The following SCN9A variants were observed in gnomAD, a reference collection of about 807,000 sequenced individuals.
SCN9A encodes the protein sodium channel protein type 9 subunit alpha.
A neutral mutation model predicts 187.0 loss-of-function variants in SCN9A; 131 were observed. The observed-to-expected ratio is 0.70, with a 90% CI of 0.61 to 0.81. The LOEUF (loss-of-function observed/expected upper bound fraction) is 0.81, where lower values mean the gene tolerates loss of function less well. Ranked by LOEUF, SCN9A falls within the 30% of genes least tolerant of loss-of-function variation. The pLI is 0.00. For synonymous variants in SCN9A, 809 were observed against 808.6 expected, an observed-to-expected ratio of 1.00 and a Z score of -0.01; for missense variants, 2,252 against 2,396.6, an observed-to-expected ratio of 0.94 and a Z score of 1.26.
At chr2:166,268,223 T>G (rs953734155) in intron 17 of SCN9A, among the ~76,000 whole-genome samples, 8 of 152,046 alleles carry the variant, frequency 5.3e-5, no homozygotes, top group Non-Finnish European at 1.0e-4. Context: ...TGTAAATTGC[T>G]CAAGGTCTTA....
chr2:166,280,258 C>T (rs1697417155), intron 14 of SCN9A, 99 bp downstream of exon 14: 11 of 705,424 alleles, frequency 1.6e-5, no homozygotes, highest in South Asian at 1.2e-4. Context: ...ATGCATAATT[C>T]TGAGGCTGCA....
chr2:166,283,228 A>T (rs1286137696), intron 12 of SCN9A, among the ~76,000 whole-genome samples: 5 of 152,204 alleles, frequency 3.3e-5, no homozygotes, highest in Admixed American at 6.5e-5. Flanking sequence ...GTTTGATTCC[A>T]CAGAAATTTA....
At position 166,288,653 on chromosome 2, in the gene SCN9A, A is replaced by G. The variant is rs199715437; in HGVS notation, c.1108-10T>C. Reference sequence around the variant, plus strand: ...CAGCAGCACGCAGCGTCTAGGGAAAAATGGAAATTGTCATTTGAACAATAA... The same window carrying G: ...CAGCAGCACGCAGCGTCTAGGGAAAGATGGAAATTGTCATTTGAACAATAA... On this transcript the variant is annotated splice_polypyrimidine_tract_variant and intron_variant, in intron 9 of 26. Coordinates refer to ENST00000642356, the MANE Select transcript of SCN9A (RefSeq NM_001365536.1). 1 of 1,528,044 alleles carries G rather than the reference A, an allele frequency of 6.5e-7. No individual in the cohort carries two copies. Among genetic ancestry groups the G allele is most frequent in the Non-Finnish European group, 8.8e-7 (1 of 1,134,346 alleles). The allele number at this position is 1,528,044 out of a possible 1,614,324, so 94.7% of individuals were successfully genotyped here.
At chr2:166,237,842 TA>T (rs1217920655) in intron 20 of SCN9A, among the ~76,000 whole-genome samples, 2 of 152,158 alleles carry the variant, frequency 1.3e-5, no homozygotes, top group Admixed American at 1.3e-4. Context: ...GCAGAAAACA[TA>T]AAAAACTCAA....
Position 166,277,151 on chromosome 2 carries a change from GTCA to G in SCN9A, c.2703_2705del (p.Asp902del). ...TCATGTGCCACCGTGGGAGCGTACA[GTCA>G]TCATTGATCTTGCAGACACATTCTT... is the stretch of plus-strand genomic sequence containing the variant. On this transcript the variant is annotated inframe_deletion, in exon 16 of 27. Transcript: ENST00000642356. 6.2e-7 allele frequency: 1 copy of G among 1,614,052 alleles called. No homozygotes were observed. Among genetic ancestry groups the G allele is most frequent in the Non-Finnish European group, 8.5e-7 (1 of 1,179,988 alleles).
intron 21 of SCN9A, among the ~76,000 whole-genome samples, chr2:166,232,674 G>A (rs993226598): frequency 6.6e-6 from 1 of 151,320 alleles, no homozygotes; most frequent in African/African-American, 2.4e-5. Context: ...TTAGATAAAG[G>A]CAGGATTACT....
At chr2:166,325,450 C>T (rs1192979906) in intron 1 of SCN9A, among the ~76,000 whole-genome samples, 2 of 152,040 alleles carry the variant, frequency 1.3e-5, no homozygotes, top group Non-Finnish European at 2.9e-5. Flanking sequence ...CAGGAATGAG[C>T]TTATGACTTA....
intron 21 of SCN9A, among the ~76,000 whole-genome samples, chr2:166,232,889 T>G (rs1006068217): frequency 1.6e-4 from 23 of 147,680 alleles, no homozygotes; most frequent in Non-Finnish European, 3.3e-4. Context: ...ATATACTAAT[T>G]AGTATTATAC....
chr2:166,223,371 T>TAC (rs141123431), intron 24 of SCN9A, among the ~76,000 whole-genome samples: 38 of 151,302 alleles, frequency 2.5e-4, no homozygotes, highest in South Asian at 8.3e-4. Context: ...CGTGTGCACG[T>TAC]ACACACACAC....
At chr2:166,206,196 T>C (rs1255554562) in intron 24 of SCN9A, among the ~76,000 whole-genome samples, 3 of 152,154 alleles carry the variant, frequency 2.0e-5, no homozygotes, top group Admixed American at 1.3e-4. Flanking sequence ...ATCATGCTAC[T>C]ATAAAGACAC....
chr2:166,333,254 C>A (rs1026728405), intron 1 of SCN9A, among the ~76,000 whole-genome samples: 4 of 152,130 alleles, frequency 2.6e-5, no homozygotes, highest in African/African-American at 9.6e-5. Flanking sequence ...CAGTCTTAAT[C>A]TTAAAATTTA....
At chr2:166,303,882 C>T in intron 6 of SCN9A, 1 of 784,068 alleles carries the variant, frequency 1.3e-6, no homozygotes, top group Non-Finnish European at 2.1e-6. Context: ...AAGACCCATG[C>T]AATTGATTAA....
intron 1 of SCN9A, among the ~76,000 whole-genome samples, chr2:166,322,449 C>G (rs1239268944): frequency 1.3e-5 from 2 of 152,126 alleles, no homozygotes; most frequent in South Asian, 4.1e-4. Context: ...ATGACATAAC[C>G]TCTCTGAGCC....
At chr2:166,372,481 T>C (rs1458221047) in intron 1 of SCN9A, among the ~76,000 whole-genome samples, 2 of 152,234 alleles carry the variant, frequency 1.3e-5, no homozygotes, top group Non-Finnish European at 2.9e-5. Flanking sequence ...AACAAGGTTA[T>C]CATTTTAGAT....
intron 7 of SCN9A, among the ~76,000 whole-genome samples, chr2:166,297,983 A>AG (rs986770259): frequency 6.6e-6 from 1 of 152,086 alleles, no homozygotes; most frequent in Admixed American, 6.5e-5. Flanking sequence ...AGAAAAAAAA[A>AG]TGGTAATTCT....
intron 16 of SCN9A, among the ~76,000 whole-genome samples, chr2:166,275,937 A>T (rs1022687761): frequency 6.6e-6 from 1 of 152,112 alleles, no homozygotes; most frequent in Non-Finnish European, 1.5e-5. Context: ...TATTTTAGTA[A>T]TTTTTTTCAA....
intron 24 of SCN9A, among the ~76,000 whole-genome samples, chr2:166,220,034 G>T (rs1489723367): frequency 6.6e-6 from 1 of 152,070 alleles, no homozygotes; most frequent in East Asian, 1.9e-4. Context: ...CAAAATATTA[G>T]CAAACTGAAT....
chr2:166,288,118 T>TACACACACACAC (rs1319223544), intron 10 of SCN9A, among the ~76,000 whole-genome samples: 1 of 96,244 alleles, frequency 1.0e-5, no homozygotes, highest in African/African-American at 3.7e-5. Context: ...TATATATATA[T>TACACACACACAC]ATACACACAC....
chr2:166,272,592 A>G lies in SCN9A; in HGVS notation c.3158T>C (p.Leu1053Pro), dbSNP rs1281773674. ...LAEMSKGHNF[L>P]KEKDKISGFG... Reference sequence around the variant, plus strand: ...ACCACTGATTTTATCTTTTTCCTTGAGGAAATTGTGACCTTTGCTCATTTC... The same window carrying G: ...ACCACTGATTTTATCTTTTTCCTTGGGGAAATTGTGACCTTTGCTCATTTC... The change falls in exon 17 of 27, where the codon CTC (leucine) becomes CCC (proline). Residue 1053 changes from leucine to proline, a missense_variant. By Grantham distance (98) the Leu-to-Pro change is moderately conservative. Coordinates refer to ENST00000642356, the MANE Select transcript of SCN9A (RefSeq NM_001365536.1). 3 of 1,613,336 alleles carry G rather than the reference A, an allele frequency of 1.9e-6. No individual in the cohort carries two copies. In the African/African-American group the frequency reaches 4.0e-5, roughly 22 times the overall value.
Sources: allele counts gnomAD v4.1 joint callset (sites outside exome capture counted in the v4.1 genomes callset), GRCh38; gene constraint gnomAD v4.1.1; transcripts MANE v1.5; gene names NCBI Gene and HGNC (gene_info 2026-07-23, HGNC 2026-07-21).